PALM2AKAP2: variants seen among roughly 807,000 people sequenced by gnomAD.
The protein encoded by PALM2AKAP2 is PALM2 and AKAP2 fusion.
A neutral mutation model predicts 71.5 loss-of-function variants in PALM2AKAP2; 37 were observed. That is an observed-to-expected ratio of 0.52 (90% confidence interval 0.40 to 0.68). The LOEUF (loss-of-function observed/expected upper bound fraction) is 0.68, where lower values mean the gene tolerates loss of function less well. Among genes scored for constraint, PALM2AKAP2 ranks in the 30% least tolerant of loss-of-function variants. PALM2AKAP2 has a pLI of 0.00. For synonymous variants in PALM2AKAP2, 468 were observed against 478.8 expected, an observed-to-expected ratio of 0.98 and a Z score of 0.29; for missense variants, 1,224 against 1,191.8, an observed-to-expected ratio of 1.03 and a Z score of -0.40.
At position 110,015,538 on chromosome 9, in the gene PALM2AKAP2, G is replaced by A. The variant is rs540355236; in HGVS notation, c.497-416G>A. Among the ~76,000 whole-genome samples, 32 of 152,240 alleles carry A rather than the reference G, an allele frequency of 2.1e-4. 1 individual carries two copies. The highest frequency in any genetic ancestry group is 1.3e-3 in the Admixed American group (20 of 15,286). On this transcript the variant is annotated intron_variant, in intron 6 of 9. Transcript: ENST00000302798. ...CAGGAGAATTGCTGAGGCAGGAGGC[G>A]GAGGTTGCAGTGAGCCGAGATCATG...
chr9:109,895,475 G>T (rs1449755193), intron 3 of PALM2AKAP2, among the ~76,000 whole-genome samples: 1 of 152,204 alleles, frequency 6.6e-6, no homozygotes, highest in African/African-American at 2.4e-5. Context: ...TTTTTGTCAG[G>T]CTAGAAGAGG....
intron 1 of PALM2AKAP2, among the ~76,000 whole-genome samples, chr9:109,691,833 G>GATATATATAT (rs1185965530): frequency 2.0e-3 from 72 of 35,976 alleles, no homozygotes; most frequent in South Asian, 4.6e-3. Context: ...CCAGAAAGAC[G>GATATATATAT]ATATATATAT....
chr9:110,073,287 A>G (rs1042074270), intron 1 of PALM2AKAP2, among the ~76,000 whole-genome samples: 1 of 152,206 alleles, frequency 6.6e-6, no homozygotes, highest in African/African-American at 2.4e-5. Context: ...TTAGGAAATA[A>G]GAAGCTTAAG....
At chr9:109,741,143 C>T (rs1828710896) in intron 1 of PALM2AKAP2, among the ~76,000 whole-genome samples, 1 of 152,110 alleles carries the variant, frequency 6.6e-6, no homozygotes, top group South Asian at 2.1e-4. Flanking sequence ...AGTCAATTCT[C>T]CACCTGCTCC....
At chr9:109,815,422 A>G (rs553079216) in intron 1 of PALM2AKAP2, among the ~76,000 whole-genome samples, 14 of 152,222 alleles carry the variant, frequency 9.2e-5, no homozygotes, top group Non-Finnish European at 1.8e-4. Context: ...TAGTAACTTT[A>G]GCCATGGATG....
intron 4 of PALM2AKAP2, 35 bp from the exon 5 acceptor site, chr9:109,925,026 T>C: frequency 1.9e-6 from 3 of 1,613,962 alleles, no homozygotes; most frequent in African/African-American, 1.3e-5. Context: ...CCCCCACATG[T>C]AGAGTAACGC....
exon 2 of PALM2AKAP2, chr9:110,137,817 C>T (rs772623568): frequency 1.2e-6 from 2 of 1,614,070 alleles, no homozygotes; most frequent in African/African-American, 1.3e-5. Flanking sequence ...CCCCAGACAC[C>T]ACAAACTGAC....
chr9:109,732,741 G>A (rs1828575099), intron 1 of PALM2AKAP2, among the ~76,000 whole-genome samples: 1 of 152,164 alleles, frequency 6.6e-6, no homozygotes, highest in Non-Finnish European at 1.5e-5. Context: ...AGAAAGTCAG[G>A]GGAGGGGTTA....
intron 1 of PALM2AKAP2, among the ~76,000 whole-genome samples, chr9:110,097,106 G>T (rs935854200): frequency 3.3e-5 from 5 of 149,608 alleles, no homozygotes; most frequent in Admixed American, 6.6e-5. Context: ...GCGGCCTTCC[G>T]CAGTGTTTGT....
intron 1 of PALM2AKAP2, among the ~76,000 whole-genome samples, chr9:109,848,934 T>G (rs1277943452): frequency 6.6e-6 from 1 of 151,684 alleles, no homozygotes; most frequent in African/African-American, 2.4e-5. Context: ...AATTATAGAC[T>G]TGAGTAGTTG....
chr9:110,045,987 G>A (rs893961627), upstream of PALM2AKAP2, among the ~76,000 whole-genome samples: 1 of 152,146 alleles, frequency 6.6e-6, no homozygotes, highest in Non-Finnish European at 1.5e-5. Context: ...TTCTTTGTTG[G>A]TGGGGCGCTG....
intron 2 of PALM2AKAP2, among the ~76,000 whole-genome samples, chr9:109,879,672 A>G (rs1048138521): frequency 1.3e-5 from 2 of 150,642 alleles, no homozygotes; most frequent in Non-Finnish European, 1.5e-5. Flanking sequence ...ACTGTATCGT[A>G]GTACACTTGC....
intron 1 of PALM2AKAP2, among the ~76,000 whole-genome samples, chr9:109,691,883 T>C (rs201170257): frequency 0.032 from 1,472 of 46,448 alleles, 28 homozygotes; most frequent in Middle Eastern, 0.045. Context: ...CACACACACA[T>C]ATATATATAT....
At chr9:109,849,572 A>G (rs1188329602) in intron 1 of PALM2AKAP2, among the ~76,000 whole-genome samples, 1 of 151,744 alleles carries the variant, frequency 6.6e-6, no homozygotes, top group Non-Finnish European at 1.5e-5. Context: ...ACATGGTGAA[A>G]CTCCGTCTCT....
At chr9:109,965,006 A>T (rs372998083) in intron 6 of PALM2AKAP2, among the ~76,000 whole-genome samples, 1 of 152,214 alleles carries the variant, frequency 6.6e-6, no homozygotes, top group East Asian at 1.9e-4. Context: ...ATTGACAGAG[A>T]TAACACATAG....
chr9:109,742,706 T>C (rs1354087170), intron 1 of PALM2AKAP2, among the ~76,000 whole-genome samples: 1 of 152,198 alleles, frequency 6.6e-6, no homozygotes, highest in Middle Eastern at 3.2e-3. Context: ...TGCTGGCCCC[T>C]TACATGGTTA....
In PALM2AKAP2 at chr9:110,108,047, C is replaced by T. The variant is rs577582100; in HGVS notation, c.157-28080C>T. 7.2e-4 allele frequency among the ~76,000 whole-genome samples: 109 copies of T among 150,694 alleles called. 1 individual carries two copies. The highest frequency in any genetic ancestry group is 1.1e-3 in the Non-Finnish European group (76 of 67,674). On this transcript the variant is annotated intron_variant, in intron 1 of 3. Transcript: ENST00000374525. Reference sequence around the variant, plus strand: ...TACCTACAACTTTTCAGGAAAATATCAATTGCATACATTAAGCTATTTTGC... The same window carrying T: ...TACCTACAACTTTTCAGGAAAATATTAATTGCATACATTAAGCTATTTTGC...
At chr9:109,783,397 G>C (rs954134734) in intron 1 of PALM2AKAP2, among the ~76,000 whole-genome samples, 2 of 151,522 alleles carry the variant, frequency 1.3e-5, no homozygotes, top group African/African-American at 4.9e-5. Flanking sequence ...GCTGCATCCT[G>C]AAACCATCCT....
At chr9:109,916,284 G>A (rs1360666996) in intron 3 of PALM2AKAP2, among the ~76,000 whole-genome samples, 4 of 152,144 alleles carry the variant, frequency 2.6e-5, no homozygotes, top group African/African-American at 4.8e-5. Flanking sequence ...TGAATGGCAC[G>A]GGTCCCCAGC....
Sources: allele counts gnomAD v4.1 joint callset (sites outside exome capture counted in the v4.1 genomes callset), GRCh38; gene constraint gnomAD v4.1.1; transcripts MANE v1.5; gene names NCBI Gene and HGNC (gene_info 2026-07-23, HGNC 2026-07-21).